IPCEF1: variants seen among roughly 807,000 people sequenced by gnomAD.
IPCEF1 encodes the protein interactor protein for cytohesin exchange factors 1.
A neutral mutation model predicts 50.9 loss-of-function variants in IPCEF1; 31 were observed. That is an observed-to-expected ratio of 0.61 (90% confidence interval 0.46 to 0.82). The LOEUF (loss-of-function observed/expected upper bound fraction) is 0.82, where lower values mean the gene tolerates loss of function less well. Ranked by LOEUF, IPCEF1 falls within the 40% of genes least tolerant of loss-of-function variation. The pLI, the probability that IPCEF1 is intolerant of heterozygous loss-of-function variation, is 0.00. For synonymous variants in IPCEF1, 181 were observed against 192.0 expected, an observed-to-expected ratio of 0.94 and a Z score of 0.47; for missense variants, 458 against 514.0, an observed-to-expected ratio of 0.89 and a Z score of 1.05.
rs9479794 is a variant in IPCEF1, at chr6:154,234,396, C to T, written c.247-11153G>A. ...CTCTCTCACTTCCCTATTGCCTTTC[C>T]GAGTATCTCCTGGATCACTTCTCAA... On this transcript the variant is annotated intron_variant, in intron 5 of 11. Transcript: ENST00000367220. 2.3e-3 allele frequency among the ~76,000 whole-genome samples: 348 copies of T among 152,228 alleles called. 1 individual carries two copies. Among genetic ancestry groups the T allele is most frequent in the Non-Finnish European group, 3.6e-3 (245 of 67,996 alleles).
chr6:154,188,749 T>G (rs1801603423), intron 10 of IPCEF1, among the ~76,000 whole-genome samples: 1 of 152,208 alleles, frequency 6.6e-6, no homozygotes, highest in South Asian at 2.1e-4. Context: ...TGAAGACTCA[T>G]GTGGATGTTT....
chr6:154,191,891 A>T lies in IPCEF1; in HGVS notation c.910+7777T>A, dbSNP rs1801922365. 1.3e-5 allele frequency among the ~76,000 whole-genome samples: 2 copies of T among 152,196 alleles called. 1 individual carries two copies. Among genetic ancestry groups the T allele is most frequent in the Admixed American group, 1.3e-4 (2 of 15,282 alleles). The stretch of plus-strand genomic sequence containing the variant: ...CTGCTCAATTTTTCTATAAATCAAA[A>T]AGTGCTCTACAAAGTTAAGCCTATT... On this transcript the variant is annotated intron_variant, in intron 10 of 11. Transcript: ENST00000367220.
intron 9 of IPCEF1, among the ~76,000 whole-genome samples, chr6:154,205,997 C>T (rs1266318094): frequency 1.3e-5 from 2 of 152,108 alleles, no homozygotes; most frequent in East Asian, 1.9e-4. Context: ...ACATCTGAGG[C>T]TTTTGCCAAA....
intron 5 of IPCEF1, among the ~76,000 whole-genome samples, chr6:154,225,705 G>A (rs1349289837): frequency 6.6e-6 from 1 of 152,206 alleles, no homozygotes; most frequent in Admixed American, 6.5e-5. Context: ...TGTATTAAAT[G>A]CCACTGAACT....
At chr6:154,340,995 G>A (rs1783904183) in intron 1 of IPCEF1, among the ~76,000 whole-genome samples, 2 of 151,766 alleles carry the variant, frequency 1.3e-5, no homozygotes, top group Admixed American at 1.3e-4. Flanking sequence ...TATGTAAGAA[G>A]TACATTGGTT....
At position 154,169,124 on chromosome 6, in the gene IPCEF1, G is replaced by A. The variant is rs147211949; in HGVS notation, c.911-1011C>T. 1.6e-3 allele frequency among the ~76,000 whole-genome samples: 250 copies of A among 151,530 alleles called. 2 individuals are homozygous for A. Among genetic ancestry groups the A allele is most frequent in the African/African-American group, 5.8e-3 (238 of 41,354 alleles). ...GCCTGTAATCCCAACACTTTGGGAG[G>A]CCAAGGCAGGAGGATCGCCTGAGCT... On this transcript the variant is annotated intron_variant, in intron 10 of 11. Coordinates refer to ENST00000367220, the MANE Select transcript of IPCEF1 (RefSeq NM_001130700.2).
chr6:154,330,325 CTTTTTTTTTTTTT>C (rs138406253), intron 1 of IPCEF1, among the ~76,000 whole-genome samples: 17 of 89,244 alleles, frequency 1.9e-4, no homozygotes, highest in African/African-American at 6.3e-4. Context: ...ATTATAGCCT[CTTTTTTTTTTTTT>C]TTTTTTTTTT....
chr6:154,250,469 T>G (rs2128645917), intron 3 of IPCEF1, among the ~76,000 whole-genome samples: 1 of 152,364 alleles, frequency 6.6e-6, no homozygotes, highest in East Asian at 1.9e-4. Context: ...GGGAAATTTT[T>G]CTTTGAAAAT....
At chr6:154,228,027 A>G (rs1779402553) in intron 5 of IPCEF1, among the ~76,000 whole-genome samples, 1 of 152,132 alleles carries the variant, frequency 6.6e-6, no homozygotes, top group African/African-American at 2.4e-5. Flanking sequence ...ACAGAGGGCA[A>G]ATCTTGAGAG....
At chr6:154,288,804 C>A (rs1782440139) in intron 2 of IPCEF1, among the ~76,000 whole-genome samples, 1 of 150,524 alleles carries the variant, frequency 6.6e-6, no homozygotes, top group Non-Finnish European at 1.5e-5. Flanking sequence ...TGGCTCACGC[C>A]TATAATCCTA....
At chr6:154,183,632 C>T (rs1407721457) in intron 10 of IPCEF1, among the ~76,000 whole-genome samples, 2 of 152,154 alleles carry the variant, frequency 1.3e-5, no homozygotes, top group African/African-American at 2.4e-5. Flanking sequence ...TGGGTGGTGG[C>T]TTACACCTGT....
At chr6:154,294,746 A>G (rs1272080124) in intron 1 of IPCEF1, among the ~76,000 whole-genome samples, 1 of 151,946 alleles carries the variant, frequency 6.6e-6, no homozygotes, top group Non-Finnish European at 1.5e-5. Context: ...CACCCTTCAA[A>G]GTGTCTGCGA....
At chr6:154,274,000 G>A (rs994546171) in intron 2 of IPCEF1, among the ~76,000 whole-genome samples, 3 of 149,582 alleles carry the variant, frequency 2.0e-5, no homozygotes, top group South Asian at 2.1e-4. Flanking sequence ...TCATCCACCC[G>A]CCTCAGCCTC....
rs1019513324 is a variant in IPCEF1, at chr6:154,154,560, G to A, written c.*5268C>T. The A allele has an allele frequency of 1.3e-5, 2 of 152,138 alleles. No individual in the cohort carries two copies. The highest frequency in any genetic ancestry group is 6.6e-5 in the Admixed American group (1 of 15,266). 9.4% of individuals were successfully genotyped at this position (152,138 alleles called of 1,614,324 possible). On this transcript the variant is annotated 3_prime_UTR_variant, in exon 12 of 12. Transcript: ENST00000367220. ...AAGTCTAGAAGCGATTTTGATGACT[G>A]CCACCAGAGGGCACTGTAACCTTGT... is the stretch of plus-strand genomic sequence containing the variant.
intron 2 of IPCEF1, among the ~76,000 whole-genome samples, chr6:154,272,499 T>C (rs1781923977): frequency 6.6e-6 from 1 of 152,194 alleles, no homozygotes; most frequent in Non-Finnish European, 1.5e-5. Context: ...AACTACAACA[T>C]GAAACATAGC....
At chr6:154,317,011 T>G (rs1696154553) in intron 1 of IPCEF1, among the ~76,000 whole-genome samples, 1 of 152,160 alleles carries the variant, frequency 6.6e-6, no homozygotes, top group Non-Finnish European at 1.5e-5. Context: ...ACTATAAAGC[T>G]TCCAGAAGAA....
At chr6:154,244,430 G>C (rs189200932) in intron 5 of IPCEF1, among the ~76,000 whole-genome samples, 19 of 152,172 alleles carry the variant, frequency 1.2e-4, no homozygotes, top group African/African-American at 3.9e-4. Context: ...TCCCTAGCCA[G>C]ATAGCGGCAA....
chr6:154,324,102 T>C (rs1251226340), intron 1 of IPCEF1, among the ~76,000 whole-genome samples: 1 of 152,230 alleles, frequency 6.6e-6, no homozygotes, highest in East Asian at 1.9e-4. Flanking sequence ...ACAAAGTTAA[T>C]TTTTTAAAAT....
chr6:154,353,210 A>C lies in IPCEF1; in HGVS notation c.-62+3462T>G, dbSNP rs544625761. On this transcript the variant is annotated intron_variant, in intron 1 of 11. Transcript: ENST00000367220. ...GAACCATGAACTTCAGCACACTATC[A>C]CTAAAACATTGCTTTTGTCGTCCTG... is the stretch of plus-strand genomic sequence containing the variant. 4.6e-5 allele frequency among the ~76,000 whole-genome samples: 7 copies of C among 152,068 alleles called. No individual in the cohort carries two copies. In the South Asian group the frequency reaches 1.5e-3, roughly 32 times the overall value.
Sources: gnomAD v4.1 joint callset for allele counts (sites outside exome capture counted in the v4.1 genomes callset) on GRCh38, gnomAD v4.1.1 for gene constraint, MANE v1.5 for transcripts, NCBI Gene and HGNC (gene_info 2026-07-23, HGNC 2026-07-21) for gene names.